KDM4A: variants seen among roughly 807,000 people sequenced by gnomAD.
KDM4A encodes the protein lysine demethylase 4A.
A neutral mutation model predicts 127.1 loss-of-function variants in KDM4A; 23 were observed. The observed-to-expected ratio is 0.18, with a 90% CI of 0.13 to 0.26. The LOEUF is 0.26. Ranked by LOEUF, KDM4A falls within the 10% of genes least tolerant of loss-of-function variation. The probability of loss-of-function intolerance (pLI) is 1.00; values close to 1 mark genes in which losing one functional copy is unlikely to be tolerated. For missense variants in KDM4A, 890 were observed against 1,329.1 expected (o/e 0.67, Z 5.14); for synonymous variants, 443 against 466.5 (o/e 0.95, Z 0.65).
chr1:43,704,122 TTC>T lies in KDM4A; in HGVS notation c.3054+12_3054+13del. On this transcript the variant is annotated intron_variant, in intron 21 of 21. Coordinates refer to ENST00000372396, the MANE Select transcript of KDM4A (RefSeq NM_014663.3). Reference sequence around the variant, plus strand: ...AGTCAAATCTAGACTGGTGAGTATTTTCTGTGTCCCCCCAGTTCCTGTCTTGG... The same window carrying T: ...AGTCAAATCTAGACTGGTGAGTATTTTGTGTCCCCCCAGTTCCTGTCTTGG... 1 of 1,613,510 alleles carries T rather than the reference TTC, an allele frequency of 6.2e-7. No individual in the cohort carries two copies. Among genetic ancestry groups the T allele is most frequent in the Non-Finnish European group, 8.5e-7 (1 of 1,179,454 alleles).
rs960712637 is a variant in KDM4A at position 43,660,560 on chromosome 1, G to C, written c.429+148G>C. On this transcript the variant is annotated intron_variant, in intron 4 of 21. Transcript: ENST00000372396. ...ACCCCCAGCTGATGTTGCTGTGCTG[G>C]CCTAATTGTGGGCCATTTTGCATGT... is the stretch of plus-strand genomic sequence containing the variant. 1.6e-5 allele frequency: 20 copies of C among 1,214,274 alleles called. No homozygotes were observed. In the Admixed American group the frequency reaches 5.3e-4, roughly 32 times the overall value. The allele number at this position is 1,214,274 out of a possible 1,614,324, so 75.2% of individuals were successfully genotyped here.
At position 43,653,227 on chromosome 1, in the gene KDM4A, T is replaced by A. The variant is rs1449027992; in HGVS notation, c.52T>A (p.Tyr18Asn). Residue 18 changes from tyrosine (Y) to asparagine (N), a missense_variant, in exon 2 of 22, where the codon TAT (tyrosine) becomes AAT (asparagine). Tyr to Asn is a moderately radical substitution (Grantham distance 143). Around this residue, in one of 7 missense-constraint regions of KDM4A, gnomAD observed 35 missense variants for 27.7 expected, o/e 1.26. Coordinates refer to ENST00000372396, the MANE Select transcript of KDM4A (RefSeq NM_014663.3). ...TCCCAGTGCTAGGATAATGACCTTT[T>A]ATCCAACTATGGAAGAGTTCCGAAA... ...LNPSARIMTF[Y>N]PTMEEFRNFS... is the part of the protein sequence containing the mutation. 1 of 1,613,912 alleles carries A rather than the reference T, an allele frequency of 6.2e-7. No individual in the cohort carries two copies. Among genetic ancestry groups the A allele is most frequent in the Non-Finnish European group, 8.5e-7 (1 of 1,179,940 alleles).
At chr1:43,692,185 C>A in intron 15 of KDM4A, 71 bp from the exon 16 acceptor site, 1 of 1,379,424 alleles carries the variant, frequency 7.2e-7, no homozygotes, top group Non-Finnish European at 1.0e-6. Context: ...CAAAGCAGGT[C>A]CAGGGGAGAG....
chr1:43,692,253 C>T lies in KDM4A; in HGVS notation c.2320-3C>T. The T allele has an allele frequency of 6.2e-7, 1 of 1,614,012 alleles. No individual in the cohort carries two copies. The highest frequency in any genetic ancestry group is 8.5e-7 in the Non-Finnish European group (1 of 1,179,880). On this transcript the variant is annotated splice_region_variant and splice_polypyrimidine_tract_variant and intron_variant, in intron 15 of 21. Coordinates refer to ENST00000372396, the MANE Select transcript of KDM4A (RefSeq NM_014663.3). ...CTTTTTCCTCCCTCTCCTTTCTTGG[C>T]AGGACTGCTGTTTATGCTCATTACG...
At chr1:43,682,811 G>GAGATGTATGCAGTGTGTT in intron 11 of KDM4A, among the ~76,000 whole-genome samples, 1 of 152,174 alleles carries the variant, frequency 6.6e-6, no homozygotes, top group African/African-American at 2.4e-5. Context: ...CTCTGAAGTA[G>GAGATGTATGCAGTGTGTT]CACTGCAGCA....
intron 3 of KDM4A, among the ~76,000 whole-genome samples, chr1:43,658,851 G>T (rs1168916072): frequency 6.6e-6 from 1 of 151,776 alleles, no homozygotes; most frequent in Admixed American, 6.6e-5. Flanking sequence ...TTGCCATGTT[G>T]CTGGTCTCAA....
chr1:43,675,946 G>A (rs1322436799), intron 11 of KDM4A, among the ~76,000 whole-genome samples: 1 of 151,872 alleles, frequency 6.6e-6, no homozygotes, highest in East Asian at 1.9e-4. Context: ...GGTGGCGGGC[G>A]CCTATAATCC....
At chr1:43,695,014 TAA>T in intron 18 of KDM4A, 120 bp downstream of exon 18, 6 of 999,932 alleles carry the variant, frequency 6.0e-6, no homozygotes, top group Non-Finnish European at 8.6e-6. Flanking sequence ...TGAAGAGTGC[TAA>T]TGAGTTAAGA....
At chr1:43,698,136 C>T in intron 19 of KDM4A, 123 bp downstream of exon 19, 2 of 868,734 alleles carry the variant, frequency 2.3e-6, no homozygotes, top group Non-Finnish European at 3.5e-6. Context: ...TCACCATGTC[C>T]TCAAACAGAA....
At chr1:43,703,848 C>G (rs1169644292) in intron 20 of KDM4A, 112 bp downstream of exon 20, 9 of 1,448,444 alleles carry the variant, frequency 6.2e-6, no homozygotes, top group Non-Finnish European at 7.6e-6. Context: ...GTTGGTAACC[C>G]TTTCAGAGCT....
chr1:43,661,027 T>C (rs1172516030), intron 4 of KDM4A, among the ~76,000 whole-genome samples: 8 of 151,396 alleles, frequency 5.3e-5, no homozygotes, highest in Non-Finnish European at 1.2e-4. Context: ...CGGGCTGGAG[T>C]GCAATGGCGC....
At chr1:43,674,384 T>C (rs1179315468) in intron 11 of KDM4A, among the ~76,000 whole-genome samples, 1 of 152,226 alleles carries the variant, frequency 6.6e-6, no homozygotes, top group Non-Finnish European at 1.5e-5. Context: ...ACCTGTCCTT[T>C]TTCCTCTCAA....
intron 3 of KDM4A, among the ~76,000 whole-genome samples, chr1:43,658,502 ATT>A (rs10686056): frequency 0.027 from 3,616 of 131,738 alleles, 148 homozygotes; most frequent in African/African-American, 0.1. Context: ...ACTTAGTCAG[ATT>A]TTTTTTTTTT....
At position 43,693,557 on chromosome 1, in the gene KDM4A, A is replaced by G. The variant is rs1661171530; in HGVS notation, c.2376-437A>G. 6.6e-6 allele frequency among the ~76,000 whole-genome samples: 1 copy of G among 152,124 alleles called. No individual in the cohort carries two copies. Among genetic ancestry groups the G allele is most frequent in the Non-Finnish European group, 1.5e-5 (1 of 68,028 alleles). The stretch of plus-strand genomic sequence containing the variant: ...GAGAGGTCATTTCAGCCTGGGGGAG[A>G]GGTTTGGGCAGAGGCCGAGAGAGAG... On this transcript the variant is annotated intron_variant, in intron 16 of 21. Transcript: ENST00000372396. This position sits in a 1 kb window ranked among gnomAD's most constrained non-coding sequence, Gnocchi z 4.2.
At chr1:43,654,571 C>A (rs1412141275) in intron 2 of KDM4A, among the ~76,000 whole-genome samples, 1 of 149,698 alleles carries the variant, frequency 6.7e-6, no homozygotes, top group East Asian at 2.0e-4. Context: ...TAATTTATTA[C>A]TATTGGAATG....
chr1:43,701,538 C>T (rs1661393855), intron 19 of KDM4A, among the ~76,000 whole-genome samples: 3 of 152,108 alleles, frequency 2.0e-5, no homozygotes, highest in Non-Finnish European at 4.4e-5. Context: ...CGCAGCACCA[C>T]TGCTGGAGTG....
chr1:43,703,464 G>T, intron 19 of KDM4A, 153 bp from the exon 20 acceptor site: 1 of 830,078 alleles, frequency 1.2e-6, no homozygotes, highest in Admixed American at 2.5e-5. Context: ...GACTTAGCAA[G>T]GTCTTTAACT....
Position 43,666,590 on chromosome 1 carries a change from C to T in KDM4A, c.777+35C>T, listed in dbSNP as rs765559636. ...TGTTACATGCCAAAGTTCTCAGGCA[C>T]CACCCTTTCTGGCCTTTGTTTTACA... is the stretch of plus-strand genomic sequence containing the variant. On this transcript the variant is annotated intron_variant, in intron 7 of 21. Transcript: ENST00000372396. 11 of 1,533,480 alleles carry T rather than the reference C, an allele frequency of 7.2e-6. No individual in the cohort carries two copies. The Admixed American group carries it at 1.3e-4, about 19-fold the overall frequency. The allele number at this position is 1,533,480 out of a possible 1,614,324, so 95.0% of individuals were successfully genotyped here.
chr1:43,653,270 C>T lies in KDM4A; in HGVS notation c.95C>T (p.Ala32Val). Residue 32 changes from alanine (A) to valine (V), a missense_variant, in exon 2 of 22, where the codon GCC becomes GTC. This residue lies in a region of KDM4A where 35 missense variants were observed against 27.7 expected (regional missense o/e 1.26). Coordinates refer to ENST00000372396, the MANE Select transcript of KDM4A (RefSeq NM_014663.3). ...EEFRNFSRYIAYIESQGAHRA... is the reference protein window; with the variant it reads ...EEFRNFSRYIVYIESQGAHRA... ...TTCCGAAACTTCAGTAGATACATTGCCTACATTGAATCCCAAGGAGCTCAT... is the reference window on the plus strand; with the variant it reads ...TTCCGAAACTTCAGTAGATACATTGTCTACATTGAATCCCAAGGAGCTCAT... 1 of 1,613,402 alleles carries T rather than the reference C, an allele frequency of 6.2e-7. No individual in the cohort carries two copies. The highest frequency in any genetic ancestry group is 8.5e-7 in the Non-Finnish European group (1 of 1,179,614).
Sources: gnomAD v4.1 joint callset for allele counts (sites outside exome capture counted in the v4.1 genomes callset) on GRCh38, gnomAD v4.1.1 for gene constraint, gnomAD v4.1.1 regional missense constraint, Gnocchi (gnomAD v3.1) non-coding constraint, MANE v1.5 for transcripts, NCBI Gene and HGNC (gene_info 2026-07-23, HGNC 2026-07-21) for gene names.